Variants in PCDHGA1 observed in about 807,000 individuals in gnomAD.
PCDHGA1 encodes protocadherin gamma-A1.
In PCDHGA1, 32 loss-of-function variants were observed where a neutral mutation model predicts 58.0. That is an observed-to-expected ratio of 0.55 (90% CI 0.42 to 0.74). PCDHGA1 has a LOEUF of 0.74. Among genes scored for constraint, PCDHGA1 ranks in the 30% least tolerant of loss-of-function variants. PCDHGA1 has a pLI of 0.00. For synonymous variants in PCDHGA1, 498 were observed against 501.1 expected, an observed-to-expected ratio of 0.99 and a Z score of 0.08; for missense variants, 1,205 against 1,182.3, an observed-to-expected ratio of 1.02 and a Z score of -0.28.
chr5:141,434,106 T>C (rs1195019110), intron 1 of PCDHGA1, among the ~76,000 whole-genome samples: 1 of 152,236 alleles, frequency 6.6e-6, no homozygotes, highest in Non-Finnish European at 1.5e-5. Context: ...TGTCCCAGGA[T>C]TGGCCTTTGG....
rs200873701 is a variant in PCDHGA1, at chr5:141,375,789, C to T, written c.2421+42684C>T. ...GAGATCCTGTACCCCGCCCTCCCCA[C>T]AGACGGTTCCACTGGCGTGGAGCTG... On this transcript the variant is annotated intron_variant, in intron 1 of 3. Coordinates refer to ENST00000517417, the MANE Select transcript of PCDHGA1 (RefSeq NM_018912.3). The T allele has an allele frequency of 7.9e-5, 128 of 1,614,258 alleles. No individual in the cohort carries two copies. The Middle Eastern group carries it at 1.8e-3, about 23-fold the overall frequency.
chr5:141,438,595 T>TAC (rs2098000070), intron 1 of PCDHGA1, among the ~76,000 whole-genome samples: 6 of 58,022 alleles, frequency 1.0e-4, no homozygotes, highest in African/African-American at 1.8e-4. Context: ...TACATACATA[T>TAC]ATATATATAT....
At chr5:141,421,483 A>C in intron 1 of PCDHGA1, 4 of 1,614,128 alleles carry the variant, frequency 2.5e-6, no homozygotes, top group Non-Finnish European at 3.4e-6. Context: ...CGGCAGCTTG[A>C]TCACGGCAGG....
In PCDHGA1 at chr5:141,490,267, G is replaced by A. The variant is rs765238578; in HGVS notation, c.2422-4540G>A. ...TGTGATTCAAGTGGATGTGGGGGAT[G>A]TCAATGACAATGCCCCAGAGGTGCT... On this transcript the variant is annotated intron_variant, in intron 1 of 3. Transcript: ENST00000517417. The surrounding 1 kb of genome is among the most constrained non-coding windows in gnomAD (Gnocchi z 5.4). The A allele has an allele frequency of 6.2e-7, 1 of 1,614,242 alleles. No homozygotes were observed. The highest frequency in any genetic ancestry group is 1.1e-5 in the South Asian group (1 of 91,084).
Position 141,489,653 on chromosome 5 carries a change from G to C in PCDHGA1, c.2422-5154G>C. ...TCTCCTAGCTTTGCCACCCCTGAGCGAGAGATGCGCATCTCAGAATCAGCA... is the reference window on the plus strand; with the variant it reads ...TCTCCTAGCTTTGCCACCCCTGAGCCAGAGATGCGCATCTCAGAATCAGCA... On this transcript the variant is annotated intron_variant, in intron 1 of 3. Coordinates refer to ENST00000517417, the MANE Select transcript of PCDHGA1 (RefSeq NM_018912.3). The surrounding 1 kb of genome is among the most constrained non-coding windows in gnomAD (Gnocchi z 4.5). 3 of 1,614,164 alleles carry C rather than the reference G, an allele frequency of 1.9e-6. No individual in the cohort carries two copies. The highest frequency in any genetic ancestry group is 2.5e-6 in the Non-Finnish European group (3 of 1,180,018).
chr5:141,451,212 G>A (rs2098710632), intron 1 of PCDHGA1, among the ~76,000 whole-genome samples: 1 of 152,156 alleles, frequency 6.6e-6, no homozygotes, highest in Non-Finnish European at 1.5e-5. Context: ...AAACTTAGTG[G>A]CTTAAAAGAA....
At position 141,431,321 on chromosome 5, in the gene PCDHGA1, G is replaced by T. The variant is rs112186927; in HGVS notation, c.2422-63486G>T. 1,258 of 1,614,054 alleles carry T rather than the reference G, an allele frequency of 7.8e-4. 11 individuals are homozygous for T. In the African/African-American group the frequency reaches 0.014, roughly 18 times the overall value. Reference sequence around the variant, plus strand: ...CCTCATCGTGCAAAATGGAGCCGACGGTAGTAAGTACCCCGAATTGGTGCT... The same window carrying T: ...CCTCATCGTGCAAAATGGAGCCGACTGTAGTAAGTACCCCGAATTGGTGCT... On this transcript the variant is annotated intron_variant, in intron 1 of 3. Transcript: ENST00000517417. This position sits in a 1 kb window ranked among gnomAD's most constrained non-coding sequence, Gnocchi z 4.8.
At chr5:141,364,499 C>T (rs1763362832) in intron 1 of PCDHGA1, 1 of 1,614,006 alleles carries the variant, frequency 6.2e-7, no homozygotes, top group Non-Finnish European at 8.5e-7. Context: ...GCTGGAGCCC[C>T]AGGAGCTGGC....
At chr5:141,362,409 A>C (rs778172417) in intron 1 of PCDHGA1, 1 of 1,614,000 alleles carries the variant, frequency 6.2e-7, no homozygotes, top group Non-Finnish European at 8.5e-7. Flanking sequence ...GTGTTGCCTC[A>C]CAATCAGCCA....
chr5:141,352,078 G>C, intron 1 of PCDHGA1: 1 of 1,605,160 alleles, frequency 6.2e-7, no homozygotes, highest in Non-Finnish European at 8.5e-7. Context: ...ACGTGCTGCA[G>C]GCCAGCGAGC....
In PCDHGA1 at chr5:141,332,546, T is replaced by C; in HGVS notation, c.1862T>C (p.Leu621Pro). The C allele has an allele frequency of 1.2e-6, 2 of 1,611,750 alleles. No homozygotes were observed. The highest frequency in any genetic ancestry group is 1.7e-6 in the Non-Finnish European group (2 of 1,179,618). The change falls in exon 1 of 4, where the codon CTG becomes CCG. Residue 621 changes from leucine (L) to proline (P), a missense_variant. Leu to Pro is a moderately conservative substitution (Grantham distance 98). Coordinates refer to ENST00000517417, the MANE Select transcript of PCDHGA1 (RefSeq NM_018912.3). This position sits in a 1 kb window ranked among gnomAD's most constrained non-coding sequence, Gnocchi z 4.6. ...ASEPGLFSVG[L>P]HTGEVRTARA... ...GAGCCGGGACTCTTCTCGGTGGGTC[T>C]GCACACGGGCGAGGTGCGCACGGCG...
intron 1 of PCDHGA1, chr5:141,383,876 G>A (rs747987128): frequency 3.7e-6 from 6 of 1,613,860 alleles, no homozygotes; most frequent in African/African-American, 1.3e-5. Context: ...GATGGTCCTG[G>A]TAGTCTGACA....
chr5:141,372,027 A>G (rs764132695), intron 1 of PCDHGA1: 3 of 1,613,296 alleles, frequency 1.9e-6, no homozygotes, highest in Non-Finnish European at 2.5e-6. Flanking sequence ...GCTCAGCGCC[A>G]ACGTGAGCCT....
chr5:141,462,262 A>G (rs2099035971), intron 1 of PCDHGA1, among the ~76,000 whole-genome samples: 1 of 152,192 alleles, frequency 6.6e-6, no homozygotes, highest in African/African-American at 2.4e-5. Flanking sequence ...GACCAGCCTA[A>G]AGTGTATTGT....
chr5:141,415,602 A>G (rs1208876851), intron 1 of PCDHGA1: 2 of 1,613,602 alleles, frequency 1.2e-6, no homozygotes, highest in African/African-American at 2.7e-5. Flanking sequence ...AGGATACCCC[A>G]TTGGTTCCAG....
At chr5:141,382,271 A>T (rs1445188092) in intron 1 of PCDHGA1, among the ~76,000 whole-genome samples, 1 of 152,214 alleles carries the variant, frequency 6.6e-6, no homozygotes, top group East Asian at 1.9e-4. Context: ...TCTAGAACAT[A>T]TGTGTTCAAT....
chr5:141,470,323 A>C (rs1029928511), intron 1 of PCDHGA1, among the ~76,000 whole-genome samples: 1 of 152,188 alleles, frequency 6.6e-6, no homozygotes, highest in African/African-American at 2.4e-5. Flanking sequence ...AAATGATCCC[A>C]TAATTTGACC....
chr5:141,433,259 T>C (rs776486704), intron 1 of PCDHGA1: 3 of 1,380,658 alleles, frequency 2.2e-6, no homozygotes, highest in Non-Finnish European at 3.0e-6. Flanking sequence ...AGCGGTACGA[T>C]CATAGCTCAC....
intron 1 of PCDHGA1, chr5:141,414,764 A>G: frequency 6.2e-7 from 1 of 1,614,194 alleles, no homozygotes; most frequent in Non-Finnish European, 8.5e-7. Flanking sequence ...GAGCAGTTTC[A>G]TGAGCTACAG....
Sources: gnomAD v4.1 joint callset for allele counts (sites outside exome capture counted in the v4.1 genomes callset) on GRCh38, gnomAD v4.1.1 for gene constraint, Gnocchi (gnomAD v3.1) non-coding constraint, MANE v1.5 for transcripts, NCBI Gene and HGNC (gene_info 2026-07-23, HGNC 2026-07-21) for gene names.